The following TANC2 variants were observed in gnomAD, a reference collection of about 807,000 sequenced individuals.
The protein encoded by TANC2 is tetratricopeptide repeat, ankyrin repeat and coiled-coil containing 2.
In TANC2, 26 loss-of-function variants were observed where a neutral mutation model predicts 210.5. That is an observed-to-expected ratio of 0.12 (90% CI 0.09 to 0.17). The LOEUF (loss-of-function observed/expected upper bound fraction) is 0.17, where lower values mean the gene tolerates loss of function less well. TANC2 is among the 10% of genes least tolerant of loss of function. The probability of loss-of-function intolerance (pLI) is 1.00; values close to 1 mark genes in which losing one functional copy is unlikely to be tolerated. For synonymous variants in TANC2, 931 were observed against 967.1 expected (o/e 0.96, Z 0.69); for missense variants, 2,129 against 2,608.9 (o/e 0.82, Z 4.01).
chr17:63,084,691 A>G (rs886405094), intron 3 of TANC2, among the ~76,000 whole-genome samples: 2 of 152,084 alleles, frequency 1.3e-5, no homozygotes, highest in African/African-American at 4.8e-5. Context: ...ATTTTTATTT[A>G]GTTCAAAATA....
intron 22 of TANC2, 37 bp from the exon 23 acceptor site, chr17:63,411,961 C>T (rs780020719): frequency 1.6e-5 from 25 of 1,611,596 alleles, no homozygotes; most frequent in South Asian, 8.8e-5. Context: ...TGAGCCATTA[C>T]GCCTGTCCTA....
chr17:63,259,634 CAT>C, intron 8 of TANC2, among the ~76,000 whole-genome samples: 1 of 152,086 alleles, frequency 6.6e-6, no homozygotes, highest in Non-Finnish European at 1.5e-5. Flanking sequence ...TTAATTAAAA[CAT>C]GTCAAACCAT....
intron 8 of TANC2, among the ~76,000 whole-genome samples, chr17:63,249,986 A>T (rs956124238): frequency 6.6e-6 from 1 of 152,152 alleles, no homozygotes; most frequent in Non-Finnish European, 1.5e-5. Flanking sequence ...TCTTCTGCCC[A>T]CTTGTAGTGT....
intron 4 of TANC2, among the ~76,000 whole-genome samples, chr17:63,133,919 T>C (rs1195017490): frequency 6.6e-6 from 1 of 152,172 alleles, no homozygotes; most frequent in African/African-American, 2.4e-5. Flanking sequence ...TGATTTTAAA[T>C]CATGCTAAAC....
chr17:63,117,244 G>A lies in TANC2; in HGVS notation c.322+17887G>A, dbSNP rs1452136855. ...GAATCATTCACTCTGTTAACGCTGC[G>A]CCATTAGAAACCTAAGAACCAGTTC... On this transcript the variant is annotated intron_variant, in intron 4 of 27. Coordinates refer to ENST00000689528, the Ensembl canonical transcript of TANC2. 3.9e-5 allele frequency: 6 copies of A among 152,178 alleles called. No homozygotes were observed. In the East Asian group the frequency reaches 9.6e-4, roughly 24 times the overall value. The allele number at this position is 152,178 out of a possible 1,614,324, so 9.4% of individuals were successfully genotyped here. A position where few individuals can be genotyped will look rare whatever the true frequency, so the allele number is the denominator to read the frequency against.
In TANC2 at chr17:63,421,324, G is replaced by A. The variant is rs372821172; in HGVS notation, c.5594G>A (p.Arg1865His). Reference sequence around the variant, plus strand: ...CTGCATTCCCAAAGTGTAGGCCTTCGCTTCTCTCCATCTAGCAATAGTATC... The same window carrying A: ...CTGCATTCCCAAAGTGTAGGCCTTCACTTCTCTCCATCTAGCAATAGTATC... Residue 1865 changes from arginine (R) to histidine (H), a missense_variant, in exon 28 of 28, where the codon CGC (arginine) becomes CAC (histidine). Physicochemically the swap from Arg to His is conservative, Grantham distance 29. Coordinates refer to ENST00000689528, the Ensembl canonical transcript of TANC2. The surrounding 1 kb of genome is among the most constrained non-coding windows in gnomAD (Gnocchi z 6.9). 53 of 1,613,838 alleles carry A rather than the reference G, an allele frequency of 3.3e-5. No homozygotes were observed. Among genetic ancestry groups the A allele is most frequent in the Non-Finnish European group, 4.3e-5 (51 of 1,179,888 alleles).
At chr17:63,036,165 T>C (rs2034964181) in intron 2 of TANC2, among the ~76,000 whole-genome samples, 1 of 152,204 alleles carries the variant, frequency 6.6e-6, no homozygotes, top group African/African-American at 2.4e-5. Context: ...TTTTTCTTTT[T>C]TTAATGGTTC....
intron 19 of TANC2, among the ~76,000 whole-genome samples, chr17:63,404,444 C>T (rs897957270): frequency 2.0e-5 from 3 of 152,170 alleles, no homozygotes. Flanking sequence ...CTCACTGTAG[C>T]TATTTTTACC....
At chr17:62,994,709 C>G (rs1225400953) in intron 1 of TANC2, among the ~76,000 whole-genome samples, 1 of 152,096 alleles carries the variant, frequency 6.6e-6, no homozygotes, top group Non-Finnish European at 1.5e-5. Context: ...CTTACCAGTT[C>G]TTGAGTTTGA....
At chr17:63,393,762 T>G (rs2048056559) in intron 17 of TANC2, among the ~76,000 whole-genome samples, 1 of 133,104 alleles carries the variant, frequency 7.5e-6, no homozygotes, top group Non-Finnish European at 1.7e-5. Flanking sequence ...GTAAGTATTA[T>G]TATTATTATT....
chr17:63,228,732 G>A (rs1042080710), intron 7 of TANC2, among the ~76,000 whole-genome samples: 27 of 152,174 alleles, frequency 1.8e-4, no homozygotes, highest in Non-Finnish European at 2.8e-4. Context: ...CTCTCTGCTT[G>A]TCTGTTGTTA....
intron 12 of TANC2, among the ~76,000 whole-genome samples, chr17:63,340,681 A>T (rs1413586158): frequency 2.6e-5 from 4 of 152,160 alleles, no homozygotes; most frequent in African/African-American, 7.2e-5. Context: ...ATGGTTAGAA[A>T]TCCCCCCTGT....
chr17:63,249,830 T>G (rs1435406818), intron 8 of TANC2, among the ~76,000 whole-genome samples: 5 of 152,168 alleles, frequency 3.3e-5, no homozygotes, highest in African/African-American at 7.2e-5. Context: ...CCAGGTTCCT[T>G]GCTCAAGTCA....
chr17:63,361,438 G>A (rs2046954997), intron 14 of TANC2, among the ~76,000 whole-genome samples: 1 of 152,242 alleles, frequency 6.6e-6, no homozygotes, highest in Non-Finnish European at 1.5e-5. Context: ...GCTGGCTGCT[G>A]CAGCAGGGCA....
At chr17:63,033,935 A>G (rs1405399971) in intron 2 of TANC2, among the ~76,000 whole-genome samples, 1 of 152,148 alleles carries the variant, frequency 6.6e-6, no homozygotes, top group South Asian at 2.1e-4. Flanking sequence ...ATTTTCACAC[A>G]TGTGTAAATG....
At chr17:63,303,104 A>G (rs2044776316) in intron 9 of TANC2, among the ~76,000 whole-genome samples, 1 of 152,108 alleles carries the variant, frequency 6.6e-6, no homozygotes, top group Admixed American at 6.5e-5. Flanking sequence ...TTTACATTTA[A>G]GGTTAATACT....
intron 14 of TANC2, among the ~76,000 whole-genome samples, chr17:63,357,218 G>T (rs2046806451): frequency 6.6e-6 from 1 of 152,192 alleles, no homozygotes; most frequent in East Asian, 1.9e-4. Context: ...GCTGATCTGG[G>T]ACCTTAGATC....
At chr17:63,034,468 C>A (rs2034894707) in intron 2 of TANC2, among the ~76,000 whole-genome samples, 1 of 152,116 alleles carries the variant, frequency 6.6e-6, no homozygotes, top group Non-Finnish European at 1.5e-5. Flanking sequence ...ATTCTTCAGC[C>A]ATGGATCAAG....
intron 6 of TANC2, among the ~76,000 whole-genome samples, chr17:63,196,542 A>G (rs1010092119): frequency 3.3e-5 from 5 of 152,224 alleles, no homozygotes; most frequent in Middle Eastern, 3.2e-3. Flanking sequence ...TCACAAGTCT[A>G]TGGAGTGCAC....
Sources: allele counts gnomAD v4.1 joint callset (sites outside exome capture counted in the v4.1 genomes callset), GRCh38; gene constraint gnomAD v4.1.1; non-coding constraint Gnocchi (gnomAD v3.1); transcripts MANE v1.5; gene names NCBI Gene and HGNC (gene_info 2026-07-23, HGNC 2026-07-21).